GMDS: variants seen among roughly 807,000 people sequenced by gnomAD.
The protein encoded by GMDS is GDP-mannose 4,6-dehydratase, also known as GDP-mannose 4,6 dehydratase.
A neutral mutation model predicts 49.9 loss-of-function variants in GMDS; 20 were observed. The observed-to-expected ratio is 0.40, with a 90% confidence interval of 0.28 to 0.58. The LOEUF (loss-of-function observed/expected upper bound fraction) is 0.58. Ranked by LOEUF, GMDS falls within the 20% of genes least tolerant of loss-of-function variation. GMDS has a pLI of 0.42. For synonymous variants in GMDS, 177 were observed against 178.6 expected, an observed-to-expected ratio of 0.99 and a Z score of 0.07; for missense variants, 362 against 481.4, an observed-to-expected ratio of 0.75 and a Z score of 2.32.
chr6:1,631,513 AC>A (rs1763000911), intron 9 of GMDS, among the ~76,000 whole-genome samples: 1 of 151,784 alleles, frequency 6.6e-6, no homozygotes, highest in Non-Finnish European at 1.5e-5. Context: ...CCGCCCCACC[AC>A]CACTGCTTCG....
At chr6:2,015,242 C>T (rs1347143236) in intron 4 of GMDS, among the ~76,000 whole-genome samples, 1 of 152,134 alleles carries the variant, frequency 6.6e-6, no homozygotes, top group Admixed American at 6.5e-5. Context: ...CTTCAGAGTA[C>T]ACATTCTCTT....
intron 7 of GMDS, among the ~76,000 whole-genome samples, chr6:1,880,331 G>A (rs1311810613): frequency 1.3e-5 from 2 of 148,202 alleles, no homozygotes; most frequent in African/African-American, 2.5e-5. Flanking sequence ...GGTGGTGCAC[G>A]TTTGTTGCCC....
At chr6:2,225,635 C>A (rs1433010510) in intron 1 of GMDS, among the ~76,000 whole-genome samples, 1 of 152,140 alleles carries the variant, frequency 6.6e-6, no homozygotes, top group African/African-American at 2.4e-5. Flanking sequence ...CCAACCAACA[C>A]AGATGATCAA....
intron 4 of GMDS, among the ~76,000 whole-genome samples, chr6:2,012,960 G>A (rs1767650688): frequency 2.6e-5 from 4 of 152,032 alleles, no homozygotes; most frequent in South Asian, 2.1e-4. Flanking sequence ...AAAATGCTTC[G>A]ACAAAGTCTT....
chr6:1,974,473 G>A (rs1314528564), intron 4 of GMDS, among the ~76,000 whole-genome samples: 1 of 152,150 alleles, frequency 6.6e-6, no homozygotes, highest in Non-Finnish European at 1.5e-5. Context: ...GCACAGGAGG[G>A]ATGCAGAGGT....
At chr6:2,025,398 G>A (rs866891303) in intron 4 of GMDS, among the ~76,000 whole-genome samples, 1 of 114,236 alleles carries the variant, frequency 8.8e-6, no homozygotes, top group Admixed American at 8.8e-5. Flanking sequence ...GTGTGTGTGT[G>A]TGTGTGTGTT....
chr6:2,065,209 G>T (rs986502895), intron 4 of GMDS, among the ~76,000 whole-genome samples: 11 of 152,100 alleles, frequency 7.2e-5, no homozygotes, highest in East Asian at 1.9e-4. Context: ...TGCAGCTGAG[G>T]GTCCTGTCTG....
rs1035359974 is a variant in GMDS, at chr6:1,635,062, C to T, written c.988-10522G>A. On this transcript the variant is annotated intron_variant, in intron 9 of 10. Transcript: ENST00000380815. The surrounding 1 kb of genome is among the most constrained non-coding windows in gnomAD (Gnocchi z 4.7). ...GCGTGTGCCTCTCACCACAGCCCTG[C>T]CAGCATTACGTGTCATCTCCTTTTT... 6.6e-6 allele frequency among the ~76,000 whole-genome samples: 1 copy of T among 152,124 alleles called. No homozygotes were observed. Among genetic ancestry groups the T allele is most frequent in the African/African-American group, 2.4e-5 (1 of 41,424 alleles).
At chr6:1,789,585 G>C (rs1023558672) in intron 7 of GMDS, among the ~76,000 whole-genome samples, 29 of 148,822 alleles carry the variant, frequency 1.9e-4, no homozygotes, top group African/African-American at 6.4e-4. Context: ...ACCCAGGCTG[G>C]AGCACAGTGG....
At position 1,689,487 on chromosome 6, in the gene GMDS, T is replaced by C. The variant is rs73716252; in HGVS notation, c.987+36929A>G. Among the ~76,000 whole-genome samples, 1,165 of 152,338 alleles carry C rather than the reference T, an allele frequency of 7.6e-3. 12 individuals carry two copies. The highest frequency in any genetic ancestry group is 0.026 in the African/African-American group (1,100 of 41,578). On this transcript the variant is annotated intron_variant, in intron 9 of 10. Transcript: ENST00000380815. ...GCAGTGTGGAACTGAAATAGAGATA[T>C]AATGTTAGAAATGACACCACCTCTT...
intron 9 of GMDS, among the ~76,000 whole-genome samples, chr6:1,678,542 G>C (rs1348858355): frequency 6.6e-6 from 1 of 152,018 alleles, no homozygotes; most frequent in Non-Finnish European, 1.5e-5. Context: ...CTCCTTACAA[G>C]TTGGGCTGGA....
intron 1 of GMDS, among the ~76,000 whole-genome samples, chr6:2,227,207 T>A (rs1052316561): frequency 6.6e-5 from 10 of 152,180 alleles, no homozygotes; most frequent in Admixed American, 1.3e-4. Flanking sequence ...CATATATATG[T>A]CATATATATA....
At chr6:2,005,987 TCA>T (rs1276154287) in intron 4 of GMDS, among the ~76,000 whole-genome samples, 2 of 152,030 alleles carry the variant, frequency 1.3e-5, no homozygotes, top group Non-Finnish European at 2.9e-5. Flanking sequence ...ACTGATTTCC[TCA>T]CAGTCACCTA....
chr6:1,800,739 A>T (rs189969075), intron 7 of GMDS, among the ~76,000 whole-genome samples: 197 of 151,774 alleles, frequency 1.3e-3, no homozygotes, highest in African/African-American at 4.4e-3. Context: ...CTGGGATTAG[A>T]CATCTATTTC....
At chr6:2,120,508 AC>A (rs1775083115) in intron 2 of GMDS, among the ~76,000 whole-genome samples, 1 of 152,214 alleles carries the variant, frequency 6.6e-6, no homozygotes, top group Non-Finnish European at 1.5e-5. Flanking sequence ...CTATGCTGAT[AC>A]TTCATGTCAC....
chr6:1,874,955 A>C (rs1226987386), intron 7 of GMDS, among the ~76,000 whole-genome samples: 1 of 152,240 alleles, frequency 6.6e-6, no homozygotes, highest in Non-Finnish European at 1.5e-5. Flanking sequence ...GTTATTTTAC[A>C]AATGTATGCG....
intron 6 of GMDS, among the ~76,000 whole-genome samples, chr6:1,942,787 C>T (rs766627851): frequency 8.5e-5 from 13 of 152,336 alleles, no homozygotes; most frequent in African/African-American, 1.9e-4. Flanking sequence ...ACCCATACAG[C>T]GCTATCTTCA....
chr6:1,687,531 G>C (rs1038011927), intron 9 of GMDS, among the ~76,000 whole-genome samples: 1 of 148,758 alleles, frequency 6.7e-6, no homozygotes, highest in Admixed American at 6.7e-5. Context: ...CAGGCCATCA[G>C]CAAGCTCCTG....
intron 1 of GMDS, among the ~76,000 whole-genome samples, chr6:2,220,072 C>A (rs1344628658): frequency 6.6e-6 from 1 of 152,158 alleles, no homozygotes; most frequent in Non-Finnish European, 1.5e-5. Context: ...TGTGCATTCA[C>A]AATAAAACAT....
Sources: allele counts gnomAD v4.1 joint callset (sites outside exome capture counted in the v4.1 genomes callset), GRCh38; gene constraint gnomAD v4.1.1; non-coding constraint Gnocchi (gnomAD v3.1); transcripts MANE v1.5; gene names NCBI Gene and HGNC (gene_info 2026-07-23, HGNC 2026-07-21).